Variants in SPMIP2 observed in about 807,000 individuals in gnomAD.
SPMIP2 encodes the protein protein SPMIP2.
chr4:159,007,509 A>T, the SPMIP2 span: 6 of 825,000 alleles, frequency 7.3e-6, no homozygotes, highest in Non-Finnish European at 1.2e-5. Context: ...CTGATCCTCA[A>T]GATTGAAGAT....
At chr4:159,059,910 G>A in the SPMIP2 span, among the ~76,000 whole-genome samples, 1 of 152,166 alleles carries the variant, frequency 6.6e-6, no homozygotes, top group Non-Finnish European at 1.5e-5. Context: ...TCTTTGGGGT[G>A]AGAGAAAGCA....
the SPMIP2 span, chr4:159,026,224 G>T: frequency 2.1e-6 from 1 of 485,760 alleles, no homozygotes; most frequent in Non-Finnish European, 4.0e-6. Flanking sequence ...GTGAAAAATG[G>T]GCACAATGGC....
At chr4:158,922,851 CTTCT>C in the SPMIP2 span, among the ~76,000 whole-genome samples, 1 of 152,078 alleles carries the variant, frequency 6.6e-6, no homozygotes, top group Non-Finnish European at 1.5e-5. Flanking sequence ...GGCCTTTTGT[CTTCT>C]TTCAGTTAGA....
the SPMIP2 span, among the ~76,000 whole-genome samples, chr4:159,015,389 T>C: frequency 6.6e-6 from 1 of 152,248 alleles, no homozygotes; most frequent in African/African-American, 2.4e-5. Flanking sequence ...ATTGTAGGAA[T>C]AGTTCAGTTT....
At chr4:158,993,465 G>GAC in the SPMIP2 span, among the ~76,000 whole-genome samples, 3 of 151,982 alleles carry the variant, frequency 2.0e-5, no homozygotes, top group African/African-American at 7.3e-5. Flanking sequence ...GTGTCTTTCT[G>GAC]ACCTCTTCTG....
chr4:158,922,243 A>T, the SPMIP2 span, among the ~76,000 whole-genome samples: 1 of 151,986 alleles, frequency 6.6e-6, no homozygotes, highest in Non-Finnish European at 1.5e-5. Context: ...TCCCAATGCT[A>T]CTGCCACCCC....
At chr4:158,962,487 C>G in the SPMIP2 span, among the ~76,000 whole-genome samples, 1 of 152,154 alleles carries the variant, frequency 6.6e-6, no homozygotes, top group Non-Finnish European at 1.5e-5. Context: ...CTTCTATAGC[C>G]TCCTCCTTGG....
At chr4:159,077,084 C>T in the SPMIP2 span, among the ~76,000 whole-genome samples, 1 of 152,078 alleles carries the variant, frequency 6.6e-6, no homozygotes, top group South Asian at 2.1e-4. Flanking sequence ...GATCTGCCCA[C>T]CTTGGCCTCC....
chr4:159,011,897 T>A, the SPMIP2 span, among the ~76,000 whole-genome samples: 1 of 151,020 alleles, frequency 6.6e-6, no homozygotes, highest in Non-Finnish European at 1.5e-5. Context: ...CCGTCTCTAC[T>A]AAAAAAAATA....
the SPMIP2 span, among the ~76,000 whole-genome samples, chr4:158,961,302 C>T: frequency 6.6e-6 from 1 of 152,026 alleles, no homozygotes; most frequent in Non-Finnish European, 1.5e-5. Flanking sequence ...AATGACTTTC[C>T]TTATTGACTA....
chr4:158,980,735 A>G, the SPMIP2 span, among the ~76,000 whole-genome samples: 1 of 152,224 alleles, frequency 6.6e-6, no homozygotes, highest in Non-Finnish European at 1.5e-5. Flanking sequence ...AGGTAAATAA[A>G]TCCACATAGA....
chr4:158,899,621 T>C, the SPMIP2 span, among the ~76,000 whole-genome samples: 1 of 152,248 alleles, frequency 6.6e-6, no homozygotes, highest in South Asian at 2.1e-4. Context: ...CTTCTAGATT[T>C]TCTAGTTTAT....
chr4:158,925,067 T>G, the SPMIP2 span, among the ~76,000 whole-genome samples: 32 of 152,374 alleles, frequency 2.1e-4, no homozygotes, highest in African/African-American at 7.0e-4. Context: ...GAATTGGAAG[T>G]GTTTCCTCCT....
the SPMIP2 span, among the ~76,000 whole-genome samples, chr4:158,957,573 C>T: frequency 6.6e-6 from 1 of 152,118 alleles, no homozygotes; most frequent in Non-Finnish European, 1.5e-5. Flanking sequence ...ATTACAGGCA[C>T]CCACTACTAC....
At chr4:158,931,051 A>G in the SPMIP2 span, among the ~76,000 whole-genome samples, 5 of 151,904 alleles carry the variant, frequency 3.3e-5, no homozygotes, top group African/African-American at 4.8e-5. Flanking sequence ...CCATTTTGCT[A>G]TGTTGGCACA....
chr4:158,924,298 G>T, the SPMIP2 span, among the ~76,000 whole-genome samples: 19 of 152,152 alleles, frequency 1.2e-4, no homozygotes, highest in African/African-American at 3.9e-4. Flanking sequence ...TTTGTTGAGT[G>T]TTTTTCATCA....
the SPMIP2 span, among the ~76,000 whole-genome samples, chr4:159,013,565 G>A: frequency 4.5e-4 from 68 of 152,162 alleles, no homozygotes; most frequent in Non-Finnish European, 8.8e-4. Flanking sequence ...AAGACAGAGA[G>A]AGGAAGGCCT....
chr4:159,019,180 A>G, the SPMIP2 span, among the ~76,000 whole-genome samples: 1 of 152,002 alleles, frequency 6.6e-6, no homozygotes, highest in Non-Finnish European at 1.5e-5. Flanking sequence ...CCGCTTCACA[A>G]GAAAGTTTCT....
the SPMIP2 span, among the ~76,000 whole-genome samples, chr4:159,024,825 A>G: frequency 6.6e-6 from 1 of 152,244 alleles, no homozygotes; most frequent in South Asian, 2.1e-4. Flanking sequence ...AATGATTAGC[A>G]TCACAAATAA....
Sources: allele counts gnomAD v4.1 joint callset (sites outside exome capture counted in the v4.1 genomes callset), GRCh38; gene constraint gnomAD v4.1.1; transcripts MANE v1.5; gene names NCBI Gene and HGNC (gene_info 2026-07-23, HGNC 2026-07-21).